The following MAP4 variants were observed in gnomAD, a reference collection of about 807,000 sequenced individuals.
The protein encoded by MAP4 is microtubule-associated protein 4.
In MAP4, 76 loss-of-function variants were observed where a neutral mutation model predicts 170.2. That is an observed-to-expected ratio of 0.45 (90% CI 0.37 to 0.54). MAP4 has a LOEUF of 0.54. MAP4 is among the 20% of genes least tolerant of loss of function. The pLI, the probability that MAP4 is intolerant of heterozygous loss-of-function variation, is 0.00. For synonymous variants in MAP4, 909 were observed against 994.5 expected (o/e 0.91, Z 1.62); for missense variants, 2,506 against 2,748.0 (o/e 0.91, Z 1.97).
intron 10 of MAP4, among the ~76,000 whole-genome samples, chr3:47,887,420 A>G (rs2097781275): frequency 2.0e-5 from 3 of 152,042 alleles, no homozygotes; most frequent in Admixed American, 2.0e-4. Context: ...TCGATTTCTC[A>G]CTGAGCCTTA....
intron 3 of MAP4, among the ~76,000 whole-genome samples, chr3:47,948,202 T>C (rs1213458627): frequency 1.3e-5 from 2 of 151,570 alleles, no homozygotes; most frequent in African/African-American, 4.9e-5. Context: ...TTTCGCCATG[T>C]TGGGAAGGCT....
At chr3:48,075,312 G>A (rs1327802174) in intron 1 of MAP4, among the ~76,000 whole-genome samples, 1 of 152,002 alleles carries the variant, frequency 6.6e-6, no homozygotes, top group Non-Finnish European at 1.5e-5. Flanking sequence ...ATCACTTGAG[G>A]TCAGGAGTTC....
Position 47,952,204 on chromosome 3 carries a change from G to A in MAP4, c.293-23854C>T, listed in dbSNP as rs1483145199. On this transcript the variant is annotated intron_variant, in intron 3 of 20. Coordinates refer to ENST00000683076, the MANE Select transcript of MAP4 (RefSeq NM_001385682.1). ...AGCCCCTCCGCCCAGCAGCCACCCC[G>A]TCTGGGAAGTGAGGAGCATCTCCAC... Among the ~76,000 whole-genome samples, 9 of 151,666 alleles carry A rather than the reference G, an allele frequency of 5.9e-5. No homozygotes were observed. In the East Asian group the frequency reaches 9.8e-4, roughly 17 times the overall value.
intron 3 of MAP4, among the ~76,000 whole-genome samples, chr3:47,947,825 G>GA (rs1173699446): frequency 6.8e-6 from 1 of 147,070 alleles, no homozygotes; most frequent in Admixed American, 6.8e-5. Flanking sequence ...AAAAAGAAAA[G>GA]AAAAAAGAAA....
At chr3:48,021,619 T>C (rs1363754772) in intron 1 of MAP4, among the ~76,000 whole-genome samples, 1 of 152,206 alleles carries the variant, frequency 6.6e-6, no homozygotes, top group Non-Finnish European at 1.5e-5. Flanking sequence ...GTGTTGGGAT[T>C]ACAGGCGTGA....
At chr3:48,008,698 C>G (rs1174819462) in intron 1 of MAP4, among the ~76,000 whole-genome samples, 1 of 152,194 alleles carries the variant, frequency 6.6e-6, no homozygotes, top group Non-Finnish European at 1.5e-5. Context: ...GTTTAATAAT[C>G]TAGTGGATAG....
intron 2 of MAP4, among the ~76,000 whole-genome samples, chr3:47,983,941 T>C (rs2100086987): frequency 6.6e-6 from 1 of 152,364 alleles, no homozygotes; most frequent in South Asian, 2.1e-4. Flanking sequence ...ATCTCTGTCA[T>C]TGTGGGCTTT....
chr3:48,019,391 T>C (rs1424089406), upstream of MAP4, among the ~76,000 whole-genome samples: 1 of 152,140 alleles, frequency 6.6e-6, no homozygotes, highest in African/African-American at 2.4e-5. Context: ...TACCATCATG[T>C]TAATATGATC....
chr3:47,867,366 A>C (rs2082300457), intron 16 of MAP4, 28 bp from the exon 17 acceptor site: 2 of 1,476,882 alleles, frequency 1.4e-6, no homozygotes, highest in Admixed American at 1.7e-5. Context: ...AGAAAAAACA[A>C]CACAAAGGGA....
chr3:47,864,688 AATAAC>A (rs757635992), intron 17 of MAP4, among the ~76,000 whole-genome samples: 26 of 152,002 alleles, frequency 1.7e-4, no homozygotes, highest in African/African-American at 4.3e-4. Context: ...AAAATAAAAT[AATAAC>A]ATAACATAAC....
intron 3 of MAP4, among the ~76,000 whole-genome samples, chr3:47,971,833 C>A (rs1411481132): frequency 1.3e-5 from 2 of 152,138 alleles, no homozygotes; most frequent in African/African-American, 4.8e-5. Flanking sequence ...ACCCTCTAGC[C>A]TCCCACCATA....
At chr3:47,982,852 A>T (rs1343173835) in intron 2 of MAP4, among the ~76,000 whole-genome samples, 1 of 152,188 alleles carries the variant, frequency 6.6e-6, no homozygotes, top group Non-Finnish European at 1.5e-5. Context: ...TAAAAGATCT[A>T]CCCTTCTTGA....
intron 17 of MAP4, among the ~76,000 whole-genome samples, chr3:47,863,937 T>TGTGTGGGGGGGGGGGG (rs374208589): frequency 7.2e-6 from 1 of 138,354 alleles, no homozygotes; most frequent in Admixed American, 7.1e-5. Flanking sequence ...TGTGTGTGTG[T>TGTGTGGGGGGGGGGGG]GGGGAGTGGT....
At chr3:47,974,761 C>T in intron 3 of MAP4, 1 of 974,018 alleles carries the variant, frequency 1.0e-6, no homozygotes, top group Middle Eastern at 5.3e-4. Flanking sequence ...AAGAGTCCGT[C>T]TCCAAAAAAA....
chr3:47,894,713 T>C (rs2100025862), intron 10 of MAP4, among the ~76,000 whole-genome samples: 1 of 151,934 alleles, frequency 6.6e-6, no homozygotes, highest in African/African-American at 2.4e-5. Flanking sequence ...GTATGTACAA[T>C]ATGTGAGGAA....
intron 17 of MAP4, among the ~76,000 whole-genome samples, chr3:47,861,353 C>CTT (rs35553466): frequency 0.01 from 1,386 of 132,256 alleles, 34 homozygotes; most frequent in African/African-American, 0.031. Flanking sequence ...GAGACTCCGT[C>CTT]TTTTTTTTTT....
At chr3:48,082,551 T>C (rs1311789782) in intron 1 of MAP4, among the ~76,000 whole-genome samples, 3 of 152,210 alleles carry the variant, frequency 2.0e-5, no homozygotes, top group Admixed American at 6.5e-5. Flanking sequence ...CCTGCTATCC[T>C]AGCATTTTCG....
At chr3:47,901,518 A>ATACAAAAAT (rs1432956168) in intron 10 of MAP4, among the ~76,000 whole-genome samples, 3 of 152,114 alleles carry the variant, frequency 2.0e-5, no homozygotes. Context: ...TCTACAAAAA[A>ATACAAAAAT]TACAAAAATT....
intron 11 of MAP4, among the ~76,000 whole-genome samples, chr3:47,876,318 A>T (rs891880630): frequency 5.3e-5 from 8 of 152,018 alleles, no homozygotes; most frequent in Non-Finnish European, 8.8e-5. Context: ...TTTTTAATAA[A>T]GACGGGGTTT....
Sources: allele counts gnomAD v4.1 joint callset (sites outside exome capture counted in the v4.1 genomes callset), GRCh38; gene constraint gnomAD v4.1.1; transcripts MANE v1.5; gene names NCBI Gene and HGNC (gene_info 2026-07-23, HGNC 2026-07-21).